Variants in DAB1 observed in about 807,000 individuals in gnomAD.
DAB1 encodes DAB adaptor protein 1, also known as disabled homolog 1.
A neutral mutation model predicts 64.6 loss-of-function variants in DAB1; 15 were observed. The ratio of observed to expected loss-of-function variants is 0.23; its 90% CI spans 0.16 to 0.36. DAB1 has a LOEUF of 0.36. Among genes scored for constraint, DAB1 ranks in the 10% least tolerant of loss-of-function variants. The pLI is 1.00. For synonymous variants in DAB1, 235 were observed against 251.9 expected, an observed-to-expected ratio of 0.93 and a Z score of 0.64; for missense variants, 596 against 706.7, an observed-to-expected ratio of 0.84 and a Z score of 1.78.
intron 4 of DAB1, among the ~76,000 whole-genome samples, chr1:58,176,682 T>C (rs1389494684): frequency 6.6e-6 from 1 of 152,086 alleles, no homozygotes; most frequent in East Asian, 1.9e-4. Flanking sequence ...AATCACTTCT[T>C]AAAAATCCCA....
At chr1:57,268,564 G>A (rs1403962898) in intron 2 of DAB1, among the ~76,000 whole-genome samples, 1 of 152,142 alleles carries the variant, frequency 6.6e-6, no homozygotes, top group African/African-American at 2.4e-5. Context: ...CATCCTGGTA[G>A]GAGGTGAAAA....
chr1:57,233,252 A>ATT (rs1667824189), intron 2 of DAB1, among the ~76,000 whole-genome samples: 3 of 56,882 alleles, frequency 5.3e-5, no homozygotes, highest in African/African-American at 1.2e-4. Context: ...CTTTGCTCCG[A>ATT]TTCTTTTTTT....
Position 57,328,926 on chromosome 1 carries a change from G to A in DAB1, c.-136-37760C>T, listed in dbSNP as rs115073583. ...CTGTCTATTATTAATAAAATTATTC[G>A]TAGTAGTATTAATCTACAGACAGTG... On this transcript the variant is annotated intron_variant, in intron 1 of 14. Coordinates refer to ENST00000371236, the MANE Select transcript of DAB1 (RefSeq NM_001365792.1). 4.2e-3 allele frequency among the ~76,000 whole-genome samples: 633 copies of A among 152,214 alleles called. 1 individual carries two copies. The highest frequency in any genetic ancestry group is 6.9e-3 in the Non-Finnish European group (469 of 68,014).
chr1:57,955,328 C>A (rs1222395535), intron 5 of DAB1, among the ~76,000 whole-genome samples: 2 of 152,116 alleles, frequency 1.3e-5, no homozygotes, highest in Admixed American at 1.3e-4. Flanking sequence ...TTAATATGAC[C>A]TTGACTCCAG....
intron 3 of DAB1, among the ~76,000 whole-genome samples, chr1:58,446,387 C>T (rs1201927391): frequency 6.6e-6 from 1 of 152,178 alleles, no homozygotes; most frequent in East Asian, 1.9e-4. Context: ...AAAATATCTT[C>T]CTTCCAGAAG....
chr1:57,058,341 G>A (rs1650042279), intron 9 of DAB1, among the ~76,000 whole-genome samples: 1 of 152,214 alleles, frequency 6.6e-6, no homozygotes, highest in African/African-American at 2.4e-5. Context: ...GGCGTCTTTG[G>A]CCCCAGAAGG....
At chr1:58,526,601 C>CAAAAAAA (rs10574530) in intron 2 of DAB1, among the ~76,000 whole-genome samples, 3 of 121,378 alleles carry the variant, frequency 2.5e-5, no homozygotes, top group Admixed American at 8.0e-5. Context: ...CTATGGCTAG[C>CAAAAAAA]AAAAAAAAAA....
intron 5 of DAB1, among the ~76,000 whole-genome samples, chr1:57,950,482 C>T (rs1010302236): frequency 2.6e-5 from 4 of 152,150 alleles, no homozygotes; most frequent in Non-Finnish European, 2.9e-5. Context: ...ACATTGTCCA[C>T]AGGGGATACT....
chr1:57,535,696 G>A (rs1385272525), intron 7 of DAB1, among the ~76,000 whole-genome samples: 4 of 151,948 alleles, frequency 2.6e-5, no homozygotes, highest in African/African-American at 9.7e-5. Flanking sequence ...TCCTGACCTC[G>A]TGATCCACCC....
At chr1:57,290,364 T>C (rs957084607) in intron 2 of DAB1, among the ~76,000 whole-genome samples, 3 of 152,172 alleles carry the variant, frequency 2.0e-5, no homozygotes, top group Non-Finnish European at 1.5e-5. Flanking sequence ...GAACCTGTTT[T>C]AAATGCAGAG....
chr1:58,157,626 G>A (rs1390820616), intron 4 of DAB1, among the ~76,000 whole-genome samples: 1 of 152,190 alleles, frequency 6.6e-6, no homozygotes, highest in East Asian at 1.9e-4. Flanking sequence ...TAGGCATAGA[G>A]AATGACTTGT....
chr1:57,748,977 G>A (rs79737201), intron 6 of DAB1, among the ~76,000 whole-genome samples: 1 of 152,164 alleles, frequency 6.6e-6, no homozygotes, highest in Admixed American at 6.5e-5. Flanking sequence ...TTGGGAAATG[G>A]CTTTCAGCAA....
intron 5 of DAB1, among the ~76,000 whole-genome samples, chr1:58,146,068 T>C (rs1654574985): frequency 6.6e-6 from 1 of 152,242 alleles, no homozygotes; most frequent in Non-Finnish European, 1.5e-5. Flanking sequence ...TTATCTTTTA[T>C]CTAGCTTACT....
intron 7 of DAB1, among the ~76,000 whole-genome samples, chr1:57,537,842 A>G (rs1407494837): frequency 6.6e-6 from 1 of 152,188 alleles, no homozygotes. Context: ...TGCTGGCTGG[A>G]AGACCGGGCA....
chr1:57,975,689 G>A (rs142863635), intron 5 of DAB1, among the ~76,000 whole-genome samples: 1 of 152,310 alleles, frequency 6.6e-6, no homozygotes, highest in African/African-American at 2.4e-5. Context: ...CCAGACTCAT[G>A]ACACCAGAAT....
chr1:57,085,812 G>T (rs1242045592), intron 4 of DAB1, among the ~76,000 whole-genome samples: 1 of 152,148 alleles, frequency 6.6e-6, no homozygotes, highest in African/African-American at 2.4e-5. Context: ...GTTCAGTAAT[G>T]ATTCACGGAG....
intron 3 of DAB1, among the ~76,000 whole-genome samples, chr1:58,470,170 TTTTA>T (rs1233267678): frequency 4.3e-4 from 65 of 149,888 alleles, no homozygotes; most frequent in Admixed American, 1.5e-3. Flanking sequence ...TTATTTTTAA[TTTTA>T]TTTATTTATT....
chr1:57,809,750 G>A (rs969685189), intron 6 of DAB1, among the ~76,000 whole-genome samples: 2 of 152,080 alleles, frequency 1.3e-5, no homozygotes, highest in Non-Finnish European at 2.9e-5. Flanking sequence ...AAAAATCTAC[G>A]ATCACGCAGT....
chr1:57,010,699 C>G lies in DAB1; in HGVS notation c.1664G>C (p.Ser555Thr). 6.4e-7 allele frequency: 1 copy of G among 1,570,324 alleles called. No homozygotes were observed. Among genetic ancestry groups the G allele is most frequent in the Non-Finnish European group, 8.7e-7 (1 of 1,154,396 alleles). The change falls in exon 14 of 15, where the codon AGC becomes ACC. Residue 555 changes from serine to threonine, a missense_variant. By Grantham distance (58) the Ser-to-Thr change is moderately conservative (BLOSUM62 1). Coordinates refer to ENST00000371236, the MANE Select transcript of DAB1 (RefSeq NM_001365792.1). ...SGDNISPQAGS is the reference protein window; with the variant it reads ...SGDNISPQAGT ...ACCTACCCAGACCTGCGCTATCTAG[C>G]TACCGGCCTGTGGACTTATATTATC...
Sources: allele counts gnomAD v4.1 joint callset (sites outside exome capture counted in the v4.1 genomes callset), GRCh38; gene constraint gnomAD v4.1.1; transcripts MANE v1.5; gene names NCBI Gene and HGNC (gene_info 2026-07-23, HGNC 2026-07-21).